The following GRIN2A variants were observed in gnomAD, a reference collection of about 807,000 sequenced individuals.
GRIN2A encodes the protein glutamate ionotropic receptor NMDA type subunit 2A, also known as glutamate receptor ionotropic, NMDA 2A.
GRIN2A carries 22 observed loss-of-function variants against 113.4 expected under a neutral mutation model. The observed-to-expected ratio is 0.19, with a 90% CI of 0.14 to 0.28. GRIN2A has a LOEUF of 0.28. GRIN2A is among the 10% of genes least tolerant of loss of function. The pLI is 1.00. For synonymous variants in GRIN2A, 827 were observed against 738.4 expected, an observed-to-expected ratio of 1.12 and a Z score of -1.94; for missense variants, 1,502 against 1,887.0, an observed-to-expected ratio of 0.80 and a Z score of 3.78.
At chr16:10,176,903 C>T (rs923506900) in intron 2 of GRIN2A, among the ~76,000 whole-genome samples, 1 of 152,130 alleles carries the variant, frequency 6.6e-6, no homozygotes, top group Non-Finnish European at 1.5e-5. Context: ...TTCATTTTAA[C>T]TGATAACCAA....
intron 2 of GRIN2A, among the ~76,000 whole-genome samples, chr16:10,086,190 G>C (rs186631621): frequency 3.3e-5 from 5 of 152,246 alleles, no homozygotes; most frequent in Admixed American, 2.6e-4. Flanking sequence ...TTCCCATGGA[G>C]ACTCACAGCA....
intron 10 of GRIN2A, among the ~76,000 whole-genome samples, chr16:9,799,804 G>A (rs914869677): frequency 9.2e-5 from 14 of 152,052 alleles, no homozygotes; most frequent in East Asian, 3.9e-4. Context: ...GAGGTATAAC[G>A]TATGTGTAAT....
chr16:9,913,364 G>T (rs1014373813), intron 3 of GRIN2A, among the ~76,000 whole-genome samples: 1 of 152,142 alleles, frequency 6.6e-6, no homozygotes, highest in African/African-American at 2.4e-5. Flanking sequence ...CTCCAGACAG[G>T]ATCTTGAATT....
chr16:10,127,889 T>C (rs1189155008), intron 2 of GRIN2A, among the ~76,000 whole-genome samples: 2 of 106,404 alleles, frequency 1.9e-5, no homozygotes, highest in African/African-American at 6.5e-5. Flanking sequence ...CATGCCTGGA[T>C]AGGAGTGTTT....
chr16:9,832,507 G>C (rs1024440265), intron 8 of GRIN2A, among the ~76,000 whole-genome samples: 2 of 151,844 alleles, frequency 1.3e-5, no homozygotes, highest in African/African-American at 4.8e-5. Context: ...TAGTTTGTGT[G>C]TCTACATGTT....
chr16:10,059,557 G>A lies in GRIN2A; in HGVS notation c.414+120441C>T, dbSNP rs1478060081. Among the ~76,000 whole-genome samples, 3 of 152,064 alleles carry A rather than the reference G, an allele frequency of 2.0e-5. No homozygotes were observed. The East Asian group carries it at 5.8e-4, about 29-fold the overall frequency. On this transcript the variant is annotated intron_variant, in intron 2 of 12. Coordinates refer to ENST00000330684, the MANE Select transcript of GRIN2A (RefSeq NM_001134407.3). Reference sequence around the variant, plus strand: ...ATATTTTGGAGGTAAAATCAAATTTGTTCTAAAAATTTCTGAAGTTCAGAA... The same window carrying A: ...ATATTTTGGAGGTAAAATCAAATTTATTCTAAAAATTTCTGAAGTTCAGAA...
At chr16:9,875,337 T>C (rs574133752) in intron 4 of GRIN2A, among the ~76,000 whole-genome samples, 108 of 152,144 alleles carry the variant, frequency 7.1e-4, no homozygotes, top group Admixed American at 2.3e-3. Context: ...GCTGAGAATA[T>C]GCAACCTCTT....
rs913404034 is a variant in GRIN2A, at chr16:9,840,498, A to G, written c.1651+149T>C. On this transcript the variant is annotated intron_variant, in intron 7 of 12. Coordinates refer to ENST00000330684, the MANE Select transcript of GRIN2A (RefSeq NM_001134407.3). ...TGGGGACCCAAAGCCTAACCCTTTCATAGGATAATTCAAATGCAGCATCCT... is the reference window on the plus strand; with the variant it reads ...TGGGGACCCAAAGCCTAACCCTTTCGTAGGATAATTCAAATGCAGCATCCT... 3.7e-5 allele frequency: 29 copies of G among 784,304 alleles called. No individual in the cohort carries two copies. The African/African-American group carries it at 4.8e-4, about 13-fold the overall frequency. 48.6% of individuals were successfully genotyped at this position (784,304 alleles called of 1,614,324 possible). A position where few individuals can be genotyped will look rare whatever the true frequency, so the allele number is the denominator to read the frequency against.
At chr16:9,766,741 T>TAAATC (rs201059206) in intron 12 of GRIN2A, among the ~76,000 whole-genome samples, 6 of 151,862 alleles carry the variant, frequency 4.0e-5, no homozygotes, top group African/African-American at 1.5e-4. Context: ...AATAAGTAAA[T>TAAATC]AAATCAAATC....
chr16:9,869,502 C>T (rs1037794947), intron 4 of GRIN2A, among the ~76,000 whole-genome samples: 2 of 152,160 alleles, frequency 1.3e-5, no homozygotes, highest in African/African-American at 4.8e-5. Flanking sequence ...GATCTTCCTG[C>T]AGTCAATTAT....
chr16:10,106,219 T>C (rs1167486269), intron 2 of GRIN2A, among the ~76,000 whole-genome samples: 1 of 151,242 alleles, frequency 6.6e-6, no homozygotes, highest in Non-Finnish European at 1.5e-5. Flanking sequence ...AGTGTTTTTT[T>C]TTTTCTTTTT....
rs551875108 is a variant in GRIN2A, at chr16:9,966,378, T to A, written c.415-27827A>T. Among the ~76,000 whole-genome samples the A allele has an allele frequency of 9.9e-4, 151 of 152,272 alleles. 1 individual carries two copies. Among genetic ancestry groups the A allele is most frequent in the African/African-American group, 3.6e-3 (148 of 41,544 alleles). ...AGTAATAATATATGATATTTGGTTA[T>A]CTGTTCCTGTGTTAGTTTCCTAAGG... On this transcript the variant is annotated intron_variant, in intron 2 of 12. Coordinates refer to ENST00000330684, the MANE Select transcript of GRIN2A (RefSeq NM_001134407.3).
chr16:10,106,545 G>A (rs2048504903), intron 2 of GRIN2A, among the ~76,000 whole-genome samples: 1 of 151,952 alleles, frequency 6.6e-6, no homozygotes, highest in Non-Finnish European at 1.5e-5. Context: ...ATGATTCTAA[G>A]TCCCTTGAAG....
At chr16:9,908,540 G>A (rs1223821854) in intron 3 of GRIN2A, among the ~76,000 whole-genome samples, 1 of 152,048 alleles carries the variant, frequency 6.6e-6, no homozygotes, top group Non-Finnish European at 1.5e-5. Flanking sequence ...CAAAGGAGGA[G>A]AAAGAGGAAA....
intron 3 of GRIN2A, among the ~76,000 whole-genome samples, chr16:9,892,390 G>T: frequency 6.6e-6 from 1 of 152,118 alleles, no homozygotes; most frequent in African/African-American, 2.4e-5. Context: ...TTACAAACCA[G>T]GTCAAAGATA....
chr16:9,982,207 T>G (rs2045904516), intron 2 of GRIN2A, among the ~76,000 whole-genome samples: 1 of 152,238 alleles, frequency 6.6e-6, no homozygotes, highest in African/African-American at 2.4e-5. Flanking sequence ...TGATGTCATC[T>G]AACAGGCTTA....
intron 2 of GRIN2A, among the ~76,000 whole-genome samples, chr16:9,987,219 C>G (rs7204776): frequency 6.6e-6 from 1 of 152,022 alleles, no homozygotes; most frequent in Non-Finnish European, 1.5e-5. Context: ...AACCCTAACC[C>G]TAACATGGCC....
chr16:9,894,009 G>A (rs1016055914), intron 3 of GRIN2A, among the ~76,000 whole-genome samples: 2 of 152,144 alleles, frequency 1.3e-5, no homozygotes, highest in Non-Finnish European at 2.9e-5. Flanking sequence ...GAGAGTAAAT[G>A]TAAGAAGGTG....
intron 2 of GRIN2A, among the ~76,000 whole-genome samples, chr16:9,938,956 T>C (rs1397654136): frequency 1.3e-5 from 2 of 152,144 alleles, no homozygotes; most frequent in Non-Finnish European, 1.5e-5. Flanking sequence ...TCTAACGATA[T>C]ATTTGGAGCC....
Sources: gnomAD v4.1 joint callset for allele counts (sites outside exome capture counted in the v4.1 genomes callset) on GRCh38, gnomAD v4.1.1 for gene constraint, MANE v1.5 for transcripts, NCBI Gene and HGNC (gene_info 2026-07-23, HGNC 2026-07-21) for gene names.